DUOX1: variants seen among roughly 807,000 people sequenced by gnomAD.
The protein encoded by DUOX1 is NADPH thyroid oxidase 1.
In DUOX1, 134 loss-of-function variants were observed where a neutral mutation model predicts 181.8. The observed-to-expected ratio is 0.74, with a 90% CI of 0.64 to 0.85. The LOEUF (loss-of-function observed/expected upper bound fraction) is 0.85. Among genes scored for constraint, DUOX1 ranks in the 40% least tolerant of loss-of-function variants. The pLI, the probability that DUOX1 is intolerant of heterozygous loss-of-function variation, is 0.00. For synonymous variants in DUOX1, 798 were observed against 832.5 expected, an observed-to-expected ratio of 0.96 and a Z score of 0.71; for missense variants, 1,814 against 2,064.4, an observed-to-expected ratio of 0.88 and a Z score of 2.35.
intron 23 of DUOX1, 50 bp downstream of exon 23, chr15:45,151,298 C>T (rs909041945): frequency 2.5e-6 from 4 of 1,593,588 alleles, no homozygotes; most frequent in Non-Finnish European, 2.6e-6. Context: ...ATTCCTTCAG[C>T]TTATAAACAT....
chr15:45,145,286 T>C (rs1218547138), intron 18 of DUOX1, among the ~76,000 whole-genome samples: 2 of 152,110 alleles, frequency 1.3e-5, no homozygotes. Context: ...GAGGCTCCAG[T>C]GGGGGGATGC....
Position 45,139,590 on chromosome 15 carries a change from C to T in DUOX1, c.1380C>T (p.Ser460=), listed in dbSNP as rs1300567696. ...ACATCAACCCTGCACTCTCCCGGAG[C>T]AATGACACTGTGAGGAGGGGTCAGG... ...WQDINPALSR[S]NDTVLEATAA... Residue 460 remains serine (S), a synonymous_variant, in exon 12 of 34, where the codon AGC becomes AGT. Coordinates refer to ENST00000389037, the MANE Select transcript of DUOX1 (RefSeq NM_175940.3). 3.9e-6 allele frequency: 6 copies of T among 1,523,700 alleles called. No individual in the cohort carries two copies. Among genetic ancestry groups the T allele is most frequent in the Non-Finnish European group, 5.3e-6 (6 of 1,126,644 alleles). The allele number at this position is 1,523,700 out of a possible 1,614,324, so 94.4% of individuals were successfully genotyped here. A position where few individuals can be genotyped will look rare whatever the true frequency, so the allele number is the denominator to read the frequency against.
intron 18 of DUOX1, among the ~76,000 whole-genome samples, chr15:45,145,934 T>C (rs1270941215): frequency 6.7e-6 from 1 of 149,350 alleles, no homozygotes; most frequent in East Asian, 2.0e-4. Context: ...AAAAAAAAGA[T>C]AAATACAGCA....
chr15:45,161,076 C>T (rs373574193), intron 29 of DUOX1, 86 bp downstream of exon 29: 20 of 1,577,654 alleles, frequency 1.3e-5, no homozygotes, highest in Non-Finnish European at 1.5e-5. Flanking sequence ...GTCTCCTGGT[C>T]GGGCCCAGTG....
intron 28 of DUOX1, among the ~76,000 whole-genome samples, chr15:45,157,870 C>CTAGG (rs1197611999): frequency 6.6e-6 from 1 of 151,726 alleles, no homozygotes; most frequent in Non-Finnish European, 1.5e-5. Context: ...GGCCTCTATG[C>CTAGG]TAGGCTATCC....
At chr15:45,146,273 A>G (rs994319015) in intron 18 of DUOX1, among the ~76,000 whole-genome samples, 33 of 152,386 alleles carry the variant, frequency 2.2e-4, no homozygotes, top group African/African-American at 7.7e-4. Context: ...AGAAGCATCC[A>G]TTGAACAGAC....
intron 3 of DUOX1, 58 bp downstream of exon 3, chr15:45,134,005 G>A (rs1042118812): frequency 3.0e-5 from 48 of 1,596,904 alleles, no homozygotes; most frequent in African/African-American, 6.7e-5. Flanking sequence ...TGAGTGCTGC[G>A]GGGCAAGAGC....
Position 45,144,179 on chromosome 15 carries a change from TCCAGCAA to T in DUOX1, c.2083_2089del (p.Ser695ValfsTer37). The T allele has an allele frequency of 6.2e-7, 1 of 1,614,166 alleles. No homozygotes were observed. ...TCCACAGAAGGTCAACTTCGTCCTG[TCCAGCAA>T]CCGTGGACGCCGCACTCTGCTGCTC... is the stretch of plus-strand genomic sequence containing the variant. On this transcript the variant is annotated frameshift_variant, in exon 17 of 34. Transcript: ENST00000389037. LOFTEE classifies it high-confidence loss of function.
chr15:45,132,084 C>T, intron 2 of DUOX1, 60 bp downstream of exon 2: 4 of 1,459,612 alleles, frequency 2.7e-6, no homozygotes, highest in Non-Finnish European at 3.7e-6. Flanking sequence ...ATCCTCTGGG[C>T]TCCCCCAAGG....
At chr15:45,154,991 C>A (rs1393445413) in intron 27 of DUOX1, among the ~76,000 whole-genome samples, 1 of 152,252 alleles carries the variant, frequency 6.6e-6, no homozygotes, top group African/African-American at 2.4e-5. Context: ...TGCCAGTGCT[C>A]ATGCTGTGTG....
intron 33 of DUOX1, 63 bp downstream of exon 33, chr15:45,163,981 C>T: frequency 6.3e-6 from 10 of 1,577,130 alleles, no homozygotes; most frequent in Non-Finnish European, 8.6e-6. Flanking sequence ...GCAAAGCTCC[C>T]AAACCTTCCC....
chr15:45,132,950 T>C (rs1365164579), intron 2 of DUOX1, among the ~76,000 whole-genome samples: 1 of 152,160 alleles, frequency 6.6e-6, no homozygotes, highest in Non-Finnish European at 1.5e-5. Flanking sequence ...CCCTGAGTCA[T>C]TTTCCCCCCT....
At chr15:45,142,781 AAGGAAGGGAGGG>A (rs1175936318) in intron 15 of DUOX1, among the ~76,000 whole-genome samples, 19 of 149,162 alleles carry the variant, frequency 1.3e-4, no homozygotes, top group East Asian at 4.0e-4. Context: ...GGAAGGAAGG[AAGGAAGGGAGGG>A]AGGAAGGGAG....
intron 21 of DUOX1, among the ~76,000 whole-genome samples, chr15:45,148,765 A>G (rs973005375): frequency 3.3e-5 from 5 of 151,948 alleles, no homozygotes. Flanking sequence ...TAGGGTAGGA[A>G]ATGGTGATTG....
In DUOX1 at chr15:45,136,696, G is replaced by C. The variant is rs1896327094; in HGVS notation, c.1022+71G>C. 4.9e-6 allele frequency: 7 copies of C among 1,419,890 alleles called. No homozygotes were observed. In the African/African-American group the frequency reaches 7.0e-5, roughly 14 times the overall value. 88.0% of individuals were successfully genotyped at this position (1,419,890 alleles called of 1,614,324 possible). A position where few individuals can be genotyped will look rare whatever the true frequency, so the allele number is the denominator to read the frequency against. On this transcript the variant is annotated intron_variant, in intron 9 of 33. Coordinates refer to ENST00000389037, the MANE Select transcript of DUOX1 (RefSeq NM_175940.3). ...GTCAACTGAGGAAAATCTGCCCTCA[G>C]GAGCCCTCTGTACAGGATTATCAGT...
intron 9 of DUOX1, 26 bp from the exon 10 acceptor site, chr15:45,137,898 C>T (rs1332820769): frequency 1.3e-6 from 2 of 1,564,040 alleles, no homozygotes; most frequent in Non-Finnish European, 1.7e-6. Context: ...ATCTCAATCA[C>T]CATCTCCCTG....
At chr15:45,161,064 C>A in intron 29 of DUOX1, 74 bp downstream of exon 29, 7 of 1,598,052 alleles carry the variant, frequency 4.4e-6, no homozygotes, top group Non-Finnish European at 3.4e-6. Flanking sequence ...CTAGACCGCA[C>A]AGTCTCCTGG....
chr15:45,142,473 C>A (rs939068704), intron 15 of DUOX1, among the ~76,000 whole-genome samples: 8 of 152,136 alleles, frequency 5.3e-5, no homozygotes, highest in Admixed American at 5.2e-4. Flanking sequence ...TGCCTGTAAT[C>A]CCAGCACTTT....
At chr15:45,150,996 T>C (rs1896786713) in intron 22 of DUOX1, 127 bp from the exon 23 acceptor site, 3 of 1,352,758 alleles carry the variant, frequency 2.2e-6, no homozygotes, top group Non-Finnish European at 3.1e-6. Context: ...ACTGTGGGAA[T>C]CCTGCTGTCC....
Sources: allele counts gnomAD v4.1 joint callset (sites outside exome capture counted in the v4.1 genomes callset), GRCh38; gene constraint gnomAD v4.1.1; transcripts MANE v1.5; gene names NCBI Gene and HGNC (gene_info 2026-07-23, HGNC 2026-07-21).